The following MTREX variants were observed in gnomAD, a reference collection of about 807,000 sequenced individuals.
MTREX encodes the protein exosome RNA helicase MTR4.
A neutral mutation model predicts 135.4 loss-of-function variants in MTREX; 76 were observed. The ratio of observed to expected loss-of-function variants is 0.56; its 90% CI spans 0.47 to 0.68. The LOEUF is 0.68. Ranked by LOEUF, MTREX falls within the 30% of genes least tolerant of loss-of-function variation. The pLI is 0.00. For synonymous variants in MTREX, 404 were observed against 401.6 expected (o/e 1.01, Z -0.07); for missense variants, 920 against 1,262.1 (o/e 0.73, Z 4.11).
chr5:55,372,949 T>A (rs1428324828), intron 16 of MTREX, among the ~76,000 whole-genome samples: 3 of 149,994 alleles, frequency 2.0e-5, no homozygotes, highest in African/African-American at 7.4e-5. Context: ...TGTGTTTGTC[T>A]ATGGTTTTTG....
At chr5:55,318,498 C>T (rs911884864) in intron 1 of MTREX, among the ~76,000 whole-genome samples, 9 of 152,182 alleles carry the variant, frequency 5.9e-5, no homozygotes, top group African/African-American at 2.2e-4. Flanking sequence ...AGGCTATCAT[C>T]CTTAGCAAAC....
At chr5:55,390,768 T>C (rs1750554075) in intron 19 of MTREX, among the ~76,000 whole-genome samples, 1 of 152,170 alleles carries the variant, frequency 6.6e-6, no homozygotes, top group Non-Finnish European at 1.5e-5. Context: ...GGACATGGAA[T>C]AGAAGATTAC....
At chr5:55,413,132 G>A (rs1344560650) in intron 23 of MTREX, among the ~76,000 whole-genome samples, 2 of 151,890 alleles carry the variant, frequency 1.3e-5, no homozygotes, top group Non-Finnish European at 2.9e-5. Context: ...ATGAGGTCAG[G>A]AGTCGACACC....
intron 14 of MTREX, chr5:55,357,218 C>T (rs1261692984): frequency 1.3e-5 from 2 of 153,006 alleles, no homozygotes; most frequent in Non-Finnish European, 2.9e-5. Flanking sequence ...TGGCTCAGTG[C>T]TCCATGCATA....
At chr5:55,392,830 G>A (rs1264221545) in intron 19 of MTREX, among the ~76,000 whole-genome samples, 1 of 152,076 alleles carries the variant, frequency 6.6e-6, no homozygotes, top group Non-Finnish European at 1.5e-5. Flanking sequence ...AAGCTTTCTG[G>A]TTAACCTGTT....
chr5:55,384,785 C>T (rs556420854), intron 18 of MTREX, among the ~76,000 whole-genome samples: 51 of 152,262 alleles, frequency 3.3e-4, no homozygotes, highest in African/African-American at 1.2e-3. Flanking sequence ...GGGTCACAGC[C>T]TTGGTTATGC....
At chr5:55,419,739 T>C (rs1018154291) in intron 25 of MTREX, among the ~76,000 whole-genome samples, 2 of 152,234 alleles carry the variant, frequency 1.3e-5, no homozygotes, top group African/African-American at 4.8e-5. Flanking sequence ...TATGATGAAT[T>C]ATCTCTTGAA....
In MTREX at chr5:55,388,094, G is replaced by A. The variant is rs370225977; in HGVS notation, c.2173G>A (p.Glu725Lys). 3 of 1,605,654 alleles carry A rather than the reference G, an allele frequency of 1.9e-6. No individual in the cohort carries two copies. The African/African-American group carries it at 4.0e-5, about 21-fold the overall frequency. The change falls in exon 19 of 27, where the codon GAG (glutamate) becomes AAG (lysine). Residue 725 changes from glutamate (E) to lysine (K), a missense_variant. Physicochemically the swap from Glu to Lys is moderately conservative, Grantham distance 56. Coordinates refer to ENST00000230640, the MANE Select transcript of MTREX (RefSeq NM_015360.5). ...ACCAGCTAAACCTGATGAGAAAGGA[G>A]AGATGCAGGTTTGTACATAACTTTC... ...AKPAKPDEKG[E>K]MQVVPVLVHL...
chr5:55,310,980 G>T (rs994451345), intron 1 of MTREX, among the ~76,000 whole-genome samples: 2 of 151,632 alleles, frequency 1.3e-5, no homozygotes, highest in Admixed American at 6.6e-5. Context: ...GTGTCTCATA[G>T]TATGTTGCCC....
In MTREX at chr5:55,337,646, T is replaced by A. The variant is rs373646293; in HGVS notation, c.516-2364T>A. On this transcript the variant is annotated intron_variant, in intron 5 of 26. Transcript: ENST00000230640. ...TTTTCAAACGTGATTTTCCATATAC[T>A]TAGCCATTTGTTATTTCTAACTTAA... 2.4e-4 allele frequency among the ~76,000 whole-genome samples: 37 copies of A among 152,336 alleles called. No individual in the cohort carries two copies. In the East Asian group the frequency reaches 6.7e-3, roughly 28 times the overall value.
intron 26 of MTREX, chr5:55,424,317 G>T (rs1751109934): frequency 6.5e-6 from 1 of 153,604 alleles, no homozygotes. Context: ...GGCTGATTTT[G>T]TATTTCTAGT....
chr5:55,374,366 T>C (rs910098133), intron 16 of MTREX, among the ~76,000 whole-genome samples: 5 of 151,462 alleles, frequency 3.3e-5, no homozygotes, highest in Admixed American at 3.3e-4. Context: ...TAGCTCACTG[T>C]AGCCTCAACC....
intron 5 of MTREX, among the ~76,000 whole-genome samples, chr5:55,337,846 T>C (rs1210800496): frequency 6.6e-6 from 1 of 152,060 alleles, no homozygotes; most frequent in East Asian, 1.9e-4. Context: ...TTAACAAATA[T>C]CTTTTAGTGT....
At position 55,343,525 on chromosome 5, in the gene MTREX, CT is replaced by C. The variant is rs1412780863; in HGVS notation, c.906+73del. 48 of 1,343,320 alleles carry C rather than the reference CT, an allele frequency of 3.6e-5. No individual in the cohort carries two copies. The East Asian group carries it at 1.1e-3, about 30-fold the overall frequency. 83.2% of individuals were successfully genotyped at this position (1,343,320 alleles called of 1,614,324 possible). Reference sequence around the variant, plus strand: ...ACAGATTAGTCTTGCTTTACTCTCCCTTTGCTTTTCTCCTGATGTTGTCCAG... The same window carrying C: ...ACAGATTAGTCTTGCTTTACTCTCCCTTGCTTTTCTCCTGATGTTGTCCAG... On this transcript the variant is annotated intron_variant, in intron 8 of 26. Coordinates refer to ENST00000230640, the MANE Select transcript of MTREX (RefSeq NM_015360.5).
chr5:55,399,777 G>A (rs192526089), intron 20 of MTREX, among the ~76,000 whole-genome samples: 3 of 152,246 alleles, frequency 2.0e-5, no homozygotes, highest in Non-Finnish European at 2.9e-5. Flanking sequence ...GTGAGCCACC[G>A]CGCCTGGCCC....
chr5:55,402,585 A>G (rs1750738974), intron 21 of MTREX, among the ~76,000 whole-genome samples: 1 of 152,224 alleles, frequency 6.6e-6, no homozygotes, highest in African/African-American at 2.4e-5. Flanking sequence ...CATGTAAGAA[A>G]GCTCATGCAT....
intron 25 of MTREX, 33 bp from the exon 26 acceptor site, chr5:55,422,845 A>G: frequency 6.4e-7 from 1 of 1,566,168 alleles, no homozygotes; most frequent in East Asian, 2.3e-5. Context: ...GATTATTTCC[A>G]TTTTACCAGT....
At chr5:55,412,985 A>G (rs962754538) in intron 23 of MTREX, among the ~76,000 whole-genome samples, 2 of 152,120 alleles carry the variant, frequency 1.3e-5, no homozygotes, top group African/African-American at 2.4e-5. Flanking sequence ...CAAGTCCTTT[A>G]TAAGTACTGG....
At chr5:55,368,373 C>T (rs1355456963) in intron 16 of MTREX, among the ~76,000 whole-genome samples, 3 of 152,102 alleles carry the variant, frequency 2.0e-5, no homozygotes, top group African/African-American at 7.2e-5. Context: ...GTTGCTGGAA[C>T]CCGGGAGCAG....
Sources: gnomAD v4.1 joint callset for allele counts (sites outside exome capture counted in the v4.1 genomes callset) on GRCh38, gnomAD v4.1.1 for gene constraint, MANE v1.5 for transcripts, NCBI Gene and HGNC (gene_info 2026-07-23, HGNC 2026-07-21) for gene names.